Variants in ZNF75A observed in about 807,000 individuals in gnomAD.
The protein encoded by ZNF75A is zinc finger protein 75A.
A neutral mutation model predicts 46.3 loss-of-function variants in ZNF75A; 36 were observed. That is an observed-to-expected ratio of 0.78 (90% CI 0.60 to 1.03). The LOEUF is 1.03. ZNF75A is among the 50% of genes least tolerant of loss of function. The probability of loss-of-function intolerance (pLI) is 0.00; values close to 1 mark genes in which losing one functional copy is unlikely to be tolerated. For missense variants in ZNF75A, 595 were observed against 551.3 expected, an observed-to-expected ratio of 1.08 and a Z score of -0.79; for synonymous variants, 234 against 189.9, an observed-to-expected ratio of 1.23 and a Z score of -1.91.
downstream of ZNF75A, among the ~76,000 whole-genome samples, chr16:3,321,030 CT>C (rs1465550731): frequency 6.6e-6 from 1 of 152,146 alleles, no homozygotes; most frequent in African/African-American, 2.4e-5. Context: ...TCATAACAAC[CT>C]TGGAATTTGT....
chr16:3,321,444 C>T (rs1049535254), downstream of ZNF75A, among the ~76,000 whole-genome samples: 1 of 152,152 alleles, frequency 6.6e-6, no homozygotes, highest in African/African-American at 2.4e-5. Context: ...TAGAGTTCTC[C>T]CTGCCGTTAA....
intron 2 of ZNF75A, chr16:3,311,020 A>G (rs1431045828): frequency 1.2e-6 from 1 of 854,614 alleles, no homozygotes; most frequent in Admixed American, 6.2e-5. Flanking sequence ...CTATAGGGAT[A>G]ATCAGGCTGA....
At chr16:3,309,670 C>A (rs574471867) in intron 2 of ZNF75A, among the ~76,000 whole-genome samples, 3 of 150,108 alleles carry the variant, frequency 2.0e-5, no homozygotes, top group African/African-American at 4.9e-5. Flanking sequence ...TCAGGAGAAT[C>A]ACCTGAGCCC....
chr16:3,310,722 A>G (rs1960704217), intron 2 of ZNF75A: 8 of 985,606 alleles, frequency 8.1e-6, no homozygotes, highest in Non-Finnish European at 9.6e-6. Flanking sequence ...GAAAAAAGAA[A>G]AATCCCAACA....
chr16:3,323,425 C>G, downstream of ZNF75A: 1 of 760,814 alleles, frequency 1.3e-6, no homozygotes, highest in Non-Finnish European at 2.4e-6. Flanking sequence ...TGTTGTCTGT[C>G]AGAGGGATGG....
chr16:3,310,672 CAAGAA>C (rs1447947305), intron 2 of ZNF75A: 1 of 984,846 alleles, frequency 1.0e-6, no homozygotes, highest in Non-Finnish European at 1.2e-6. Context: ...GAAGACTGCA[CAAGAA>C]AAGAAAACAT....
intron 4 of ZNF75A, 56 bp downstream of exon 4, chr16:3,312,824 T>C: frequency 8.4e-7 from 1 of 1,196,068 alleles, no homozygotes. Flanking sequence ...GTATGATTAA[T>C]ACTGTCCAGG....
chr16:3,316,948 G>C lies in ZNF75A; in HGVS notation c.860G>C (p.Cys287Ser). ...CTCCCCAAACCTAAAGTGATCTCCTGTCTAGAGCAAGGGGAAGAGCCATGG... is the reference window on the plus strand; with the variant it reads ...CTCCCCAAACCTAAAGTGATCTCCTCTCTAGAGCAAGGGGAAGAGCCATGG... ...FVLPKPKVIS[C>S]LEQGEEPWVQ... Residue 287 changes from cysteine to serine, a missense_variant, in exon 6 of 7, where the codon TGT (cysteine) becomes TCT (serine). Transcript: ENST00000669516. 6.2e-7 allele frequency: 1 copy of C among 1,613,958 alleles called. No individual in the cohort carries two copies. The highest frequency in any genetic ancestry group is 8.5e-7 in the Non-Finnish European group (1 of 1,179,940).
At chr16:3,306,848 C>T (rs141768379) in intron 1 of ZNF75A, 2 of 152,254 alleles carry the variant, frequency 1.3e-5, no homozygotes, top group Non-Finnish European at 2.9e-5. Flanking sequence ...TGTAGTACCC[C>T]CTCCCCCCAC....
chr16:3,322,375 A>G (rs906113164), downstream of ZNF75A, among the ~76,000 whole-genome samples: 1 of 152,186 alleles, frequency 6.6e-6, no homozygotes, highest in Non-Finnish European at 1.5e-5. Flanking sequence ...TCCTTCATGT[A>G]TTAATCCTCC....
downstream of ZNF75A, among the ~76,000 whole-genome samples, chr16:3,322,349 G>C (rs891984220): frequency 6.6e-6 from 1 of 152,184 alleles, no homozygotes; most frequent in African/African-American, 2.4e-5. Flanking sequence ...AACCAAATTT[G>C]CTACATGCCT....
intron 2 of ZNF75A, among the ~76,000 whole-genome samples, chr16:3,309,624 C>T (rs1298248607): frequency 6.6e-6 from 1 of 151,402 alleles, no homozygotes; most frequent in Non-Finnish European, 1.5e-5. Context: ...GGCATGGTGG[C>T]ACACACCTGT....
At chr16:3,308,235 C>T (rs2150796673) in intron 1 of ZNF75A, 78 bp from the exon 2 acceptor site, 2 of 181,080 alleles carry the variant, frequency 1.1e-5, no homozygotes, top group Non-Finnish European at 1.1e-5. Context: ...TTCTGTTCTT[C>T]TTTCTCTCAT....
chr16:3,313,182 A>AT lies in ZNF75A; in HGVS notation c.823+11dup. 2 of 1,612,572 alleles carry AT rather than the reference A, an allele frequency of 1.2e-6. No homozygotes were observed. Among genetic ancestry groups the AT allele is most frequent in the Admixed American group, 3.4e-5 (2 of 59,636 alleles). ...GAGACTGTCATCTCTCTAGGTAAAG[A>AT]TTTTCCCTTCCCTTTATGTAGTTGA... On this transcript the variant is annotated splice_region_variant and intron_variant, in intron 5 of 6. Transcript: ENST00000669516.
In ZNF75A at chr16:3,318,390, G is replaced by C; in HGVS notation, c.*521G>C. 1 of 986,910 alleles carries C rather than the reference G, an allele frequency of 1.0e-6. No individual in the cohort carries two copies. Among genetic ancestry groups the C allele is most frequent in the Non-Finnish European group, 1.2e-6 (1 of 831,084 alleles). The allele number at this position is 986,910 out of a possible 1,614,324, so 61.1% of individuals were successfully genotyped here. ...CAGTTTTTTACTGTGATGAAATCTTGTTAACCACCACTAGGGAATCTCCAG... is the reference window on the plus strand; with the variant it reads ...CAGTTTTTTACTGTGATGAAATCTTCTTAACCACCACTAGGGAATCTCCAG... On this transcript the variant is annotated 3_prime_UTR_variant, in exon 7 of 7. Transcript: ENST00000669516.
chr16:3,312,812 A>C (rs1326076887), intron 4 of ZNF75A, 44 bp downstream of exon 4: 29 of 1,142,698 alleles, frequency 2.5e-5, no homozygotes, highest in Non-Finnish European at 3.2e-5. Flanking sequence ...TTTCTCTGCT[A>C]TGTATGATTA....
At chr16:3,316,770 A>G (rs1239573246) in intron 5 of ZNF75A, 142 bp from the exon 6 acceptor site, 3 of 606,596 alleles carry the variant, frequency 4.9e-6, no homozygotes, top group South Asian at 2.1e-5. Flanking sequence ...TAAACGTGAT[A>G]CTTAATCTTG....
At chr16:3,321,195 G>C (rs2029925683), downstream of ZNF75A, among the ~76,000 whole-genome samples, 2 of 152,164 alleles carry the variant, frequency 1.3e-5, no homozygotes, top group African/African-American at 2.4e-5. Context: ...CATAATCCTA[G>C]GTTTAGCCTT....
chr16:3,321,542 C>T (rs140072620), downstream of ZNF75A, among the ~76,000 whole-genome samples: 72 of 152,308 alleles, frequency 4.7e-4, no homozygotes, highest in African/African-American at 1.6e-3. Flanking sequence ...TGGGGCTCAC[C>T]ACAGCCTCGA....
Sources: gnomAD v4.1 joint callset for allele counts (sites outside exome capture counted in the v4.1 genomes callset) on GRCh38, gnomAD v4.1.1 for gene constraint, MANE v1.5 for transcripts, NCBI Gene and HGNC (gene_info 2026-07-23, HGNC 2026-07-21) for gene names.